The following PDE8A variants were observed in gnomAD, a reference collection of about 807,000 sequenced individuals.
PDE8A encodes high affinity cAMP-specific and IBMX-insensitive 3',5'-cyclic phosphodiesterase 8A.
In PDE8A, 59 loss-of-function variants were observed where a neutral mutation model predicts 105.0. That is an observed-to-expected ratio of 0.56 (90% CI 0.46 to 0.70). The LOEUF (loss-of-function observed/expected upper bound fraction) is 0.70. PDE8A is among the 30% of genes least tolerant of loss of function. The probability of loss-of-function intolerance (pLI) is 0.00; values close to 1 mark genes in which losing one functional copy is unlikely to be tolerated. For synonymous variants in PDE8A, 355 were observed against 371.9 expected (o/e 0.95, Z 0.52); for missense variants, 1,014 against 1,045.9 (o/e 0.97, Z 0.42).
At chr15:85,129,890 A>G (rs1393880999) in intron 20 of PDE8A, among the ~76,000 whole-genome samples, 3 of 152,112 alleles carry the variant, frequency 2.0e-5, no homozygotes, top group Non-Finnish European at 2.9e-5. Flanking sequence ...CATTTGTCTC[A>G]AAGTATTTTC....
intron 1 of PDE8A, among the ~76,000 whole-genome samples, 180 bp downstream of exon 1, chr15:84,982,528 C>G (rs1015493832): frequency 6.6e-6 from 1 of 152,162 alleles, no homozygotes; most frequent in Non-Finnish European, 1.5e-5. Flanking sequence ...AGAGAAGGAC[C>G]GACCCAGGTC....
chr15:85,000,790 C>T (rs1340831162), intron 1 of PDE8A, among the ~76,000 whole-genome samples: 4 of 152,206 alleles, frequency 2.6e-5, no homozygotes, highest in Admixed American at 6.5e-5. Context: ...TTCTTTACCA[C>T]TGTAGAGCCA....
At chr15:85,045,125 T>C (rs963845170) in intron 1 of PDE8A, among the ~76,000 whole-genome samples, 1 of 152,218 alleles carries the variant, frequency 6.6e-6, no homozygotes, top group African/African-American at 2.4e-5. Flanking sequence ...CTTCCTGTCA[T>C]TCAGATCTCA....
intron 11 of PDE8A, among the ~76,000 whole-genome samples, chr15:85,101,415 G>A (rs2081860075): frequency 6.6e-6 from 1 of 152,182 alleles, no homozygotes. Flanking sequence ...AATAAAAACA[G>A]GCATAGAAGG....
intron 1 of PDE8A, among the ~76,000 whole-genome samples, chr15:85,041,388 T>A (rs2080805674): frequency 6.6e-6 from 1 of 152,200 alleles, no homozygotes; most frequent in African/African-American, 2.4e-5. Context: ...GTTTGCCTGC[T>A]CTCTCGTGAC....
chr15:85,008,031 G>A (rs2080176705), intron 1 of PDE8A, among the ~76,000 whole-genome samples: 1 of 152,122 alleles, frequency 6.6e-6, no homozygotes, highest in Non-Finnish European at 1.5e-5. Flanking sequence ...TGAGCTTGAA[G>A]CACTGAGGTC....
intron 11 of PDE8A, 193 bp downstream of exon 11, chr15:85,100,391 A>G (rs755520326): frequency 4.7e-5 from 28 of 592,882 alleles, no homozygotes; most frequent in Non-Finnish European, 7.4e-5. Flanking sequence ...GAGCATTCTG[A>G]TGGGTGCCCT....
chr15:85,103,759 T>G (rs2081903890), intron 11 of PDE8A, among the ~76,000 whole-genome samples: 1 of 152,220 alleles, frequency 6.6e-6, no homozygotes, highest in African/African-American at 2.4e-5. Context: ...TACTGAGCTT[T>G]GAGCACCACT....
intron 1 of PDE8A, among the ~76,000 whole-genome samples, chr15:84,982,867 G>A (rs559734919): frequency 6.6e-6 from 1 of 152,208 alleles, no homozygotes; most frequent in African/African-American, 2.4e-5. Flanking sequence ...ATGTAATCTG[G>A]AACATCAGCT....
intron 8 of PDE8A, among the ~76,000 whole-genome samples, chr15:85,095,368 G>A (rs2081727464): frequency 6.6e-6 from 1 of 152,070 alleles, no homozygotes; most frequent in African/African-American, 2.4e-5. Context: ...CCTCAAGACA[G>A]AGTCTCACTC....
intron 1 of PDE8A, among the ~76,000 whole-genome samples, chr15:84,988,190 A>G (rs2079833669): frequency 1.3e-5 from 2 of 152,206 alleles, no homozygotes; most frequent in Admixed American, 1.3e-4. Context: ...GAGGTCATAC[A>G]TTTAAGCTGA....
chr15:85,070,820 A>G (rs2081299953), intron 3 of PDE8A, among the ~76,000 whole-genome samples: 1 of 152,214 alleles, frequency 6.6e-6, no homozygotes, highest in African/African-American at 2.4e-5. Flanking sequence ...AGTGTTGAGC[A>G]GGATAGAAAA....
intron 17 of PDE8A, 84 bp downstream of exon 17, chr15:85,117,923 C>A: frequency 1.9e-6 from 2 of 1,079,082 alleles, no homozygotes; most frequent in Non-Finnish European, 1.4e-6. Context: ...AGATACATAG[C>A]ATGACTGCTC....
At chr15:84,991,276 G>A (rs2079881805) in intron 1 of PDE8A, among the ~76,000 whole-genome samples, 1 of 152,132 alleles carries the variant, frequency 6.6e-6, no homozygotes. Context: ...TATTCAGAGA[G>A]GTCCTAAAAG....
chr15:85,098,220 T>G (rs1399242808), intron 9 of PDE8A, among the ~76,000 whole-genome samples, 184 bp downstream of exon 9: 1 of 152,248 alleles, frequency 6.6e-6, no homozygotes, highest in Non-Finnish European at 1.5e-5. Flanking sequence ...ACCCTCTACT[T>G]GCAGCCCAGA....
chr15:85,044,089 GC>G (rs1269775113), intron 1 of PDE8A, among the ~76,000 whole-genome samples: 1 of 152,292 alleles, frequency 6.6e-6, no homozygotes, highest in Admixed American at 6.5e-5. Flanking sequence ...TAATTTCATA[GC>G]AAAAGCTTCT....
intron 17 of PDE8A, among the ~76,000 whole-genome samples, chr15:85,118,378 G>A (rs1023050324): frequency 6.6e-6 from 1 of 152,010 alleles, no homozygotes; most frequent in Non-Finnish European, 1.5e-5. Flanking sequence ...ATCTGACCTT[G>A]CCTCCTGTCA....
In PDE8A at chr15:85,067,176, C is replaced by T. The variant is rs1427050561; in HGVS notation, c.406C>T (p.Arg136Ter). 1.2e-6 allele frequency: 2 copies of T among 1,613,758 alleles called. No homozygotes were observed. The highest frequency in any genetic ancestry group is 1.7e-6 in the Non-Finnish European group (2 of 1,179,822). The change falls in exon 3 of 22, where the codon CGA becomes TGA. Residue 136 changes from arginine (R) to a stop codon, truncating the protein, a stop_gained. Transcript: ENST00000394553. LOFTEE classifies it high-confidence loss of function. Reference protein sequence around the residue: ...DIIIIDHRNPRQLDAEALCRS... With the variant: ...DIIIIDHRNP ...TATCATCATAGACCACAGAAATCCT[C>T]GACAGCTGGATGCAGAGGCACTGTG...
chr15:85,134,991 G>T (rs1179247452), intron 20 of PDE8A, among the ~76,000 whole-genome samples: 1 of 152,206 alleles, frequency 6.6e-6, no homozygotes, highest in Non-Finnish European at 1.5e-5. Context: ...GTGCCGTAGA[G>T]CTGCGGTGGG....
Sources: gnomAD v4.1 joint callset for allele counts (sites outside exome capture counted in the v4.1 genomes callset) on GRCh38, gnomAD v4.1.1 for gene constraint, MANE v1.5 for transcripts, NCBI Gene and HGNC (gene_info 2026-07-23, HGNC 2026-07-21) for gene names.